KTN1: variants seen among roughly 807,000 people sequenced by gnomAD.
KTN1 encodes kinectin.
KTN1 carries 130 observed loss-of-function variants against 222.5 expected under a neutral mutation model. The observed-to-expected ratio is 0.58, with a 90% confidence interval of 0.51 to 0.68. The LOEUF (loss-of-function observed/expected upper bound fraction) is 0.68. KTN1 is among the 30% of genes least tolerant of loss of function. The pLI is 0.00. For missense variants in KTN1, 1,508 were observed against 1,500.4 expected (o/e 1.01, Z -0.08); for synonymous variants, 512 against 496.3 (o/e 1.03, Z -0.42).
intron 1 of KTN1, among the ~76,000 whole-genome samples, chr14:55,589,766 C>T (rs545011406): frequency 7.0e-6 from 1 of 143,794 alleles, no homozygotes; most frequent in African/African-American, 2.6e-5. Flanking sequence ...TCAAGTGATT[C>T]TCCTGCCTCA....
At chr14:55,642,498 T>C (rs779545896) in intron 18 of KTN1, among the ~76,000 whole-genome samples, 5 of 152,202 alleles carry the variant, frequency 3.3e-5, no homozygotes, top group Non-Finnish European at 4.4e-5. Flanking sequence ...ACGCAGCTCT[T>C]ACAATTACAA....
Position 55,650,395 on chromosome 14 carries a change from G to C in KTN1, c.2473G>C (p.Ala825Pro). ...TCTGGAGGCAGAACTTCTCAAAGTT[G>C]CTAACAAGGAGAAAACTGTTCAGGT... ...ELLEAELLKV[A>P]NKEKTVQDLK... The change falls in exon 23 of 44, where the codon GCT (alanine) becomes CCT (proline). Residue 825 changes from alanine (A) to proline (P), a missense_variant. Coordinates refer to ENST00000395314, the MANE Select transcript of KTN1 (RefSeq NM_001079521.2). 6.2e-7 allele frequency: 1 copy of C among 1,610,722 alleles called. No individual in the cohort carries two copies. Among genetic ancestry groups the C allele is most frequent in the Non-Finnish European group, 8.5e-7 (1 of 1,178,568 alleles).
intron 1 of KTN1, 43 bp downstream of exon 1, chr14:55,580,397 G>A (rs2031068876): frequency 6.8e-6 from 1 of 146,846 alleles, no homozygotes; most frequent in African/African-American, 2.4e-5. Flanking sequence ...CCGGCGGCGG[G>A]GAGCGCGGGG....
intron 9 of KTN1, among the ~76,000 whole-genome samples, chr14:55,635,798 G>T (rs532678383): frequency 1.6e-3 from 239 of 152,278 alleles, no homozygotes; most frequent in Non-Finnish European, 2.9e-3. Context: ...TGATAGAATT[G>T]TACTTTGATA....
chr14:55,581,635 A>G (rs1052311089), intron 1 of KTN1, among the ~76,000 whole-genome samples: 1 of 152,304 alleles, frequency 6.6e-6, no homozygotes. Flanking sequence ...TCTGAATTGT[A>G]TAGGAGTTGA....
chr14:55,586,973 C>T (rs2033142125), intron 1 of KTN1, among the ~76,000 whole-genome samples: 1 of 152,244 alleles, frequency 6.6e-6, no homozygotes, highest in African/African-American at 2.4e-5. Context: ...AAAATGCATA[C>T]CCTCCCTATT....
At chr14:55,616,408 A>G in intron 2 of KTN1, 109 bp from the exon 3 acceptor site, 1 of 972,806 alleles carries the variant, frequency 1.0e-6, no homozygotes, top group Non-Finnish European at 1.5e-6. Context: ...TATATGTCAG[A>G]CTTTAAATTT....
intron 28 of KTN1, among the ~76,000 whole-genome samples, chr14:55,655,486 C>T (rs1485519817): frequency 3.3e-5 from 5 of 152,036 alleles, no homozygotes; most frequent in African/African-American, 4.8e-5. Flanking sequence ...TTGGGGATAC[C>T]GAAATGGATA....
At chr14:55,654,425 G>A (rs1277483588) in intron 28 of KTN1, among the ~76,000 whole-genome samples, 8 of 151,990 alleles carry the variant, frequency 5.3e-5, no homozygotes, top group African/African-American at 1.2e-4. Context: ...TGTAACTGTC[G>A]AGGTGCTTAT....
In KTN1 at chr14:55,671,650, G is replaced by A. The variant is rs762663663; in HGVS notation, c.3433G>A (p.Glu1145Lys). 1 of 1,605,754 alleles carries A rather than the reference G, an allele frequency of 6.2e-7. No homozygotes were observed. The highest frequency in any genetic ancestry group is 8.5e-7 in the Non-Finnish European group (1 of 1,174,344). The change falls in exon 36 of 44, where the codon GAA (glutamate) becomes AAA (lysine). Residue 1145 changes from glutamate to lysine, a missense_variant. Physicochemically the swap from Glu to Lys is moderately conservative, Grantham distance 56 (BLOSUM62 1). Coordinates refer to ENST00000395314, the MANE Select transcript of KTN1 (RefSeq NM_001079521.2). ...TGAAAAATACAAATCCGTCCTTGCA[G>A]AAACAGTAGGAAATGATTTTTAATC... Reference protein sequence around the residue: ...ECEKYKSVLAETEGILQKLQR... With the variant: ...ECEKYKSVLAKTEGILQKLQR...
chr14:55,665,987 T>C (rs1001267605), intron 33 of KTN1, among the ~76,000 whole-genome samples: 2 of 151,984 alleles, frequency 1.3e-5, no homozygotes, highest in Admixed American at 6.6e-5. Flanking sequence ...CGGTTTTCTT[T>C]AAAGATTAGT....
chr14:55,632,420 A>C (rs2040633696), intron 7 of KTN1, among the ~76,000 whole-genome samples: 1 of 152,208 alleles, frequency 6.6e-6, no homozygotes, highest in Non-Finnish European at 1.5e-5. Flanking sequence ...TTCATACAAA[A>C]ACATGTTCTT....
chr14:55,680,710 G>A, intron 43 of KTN1: 1 of 1,366,756 alleles, frequency 7.3e-7, no homozygotes, highest in South Asian at 1.1e-5. Context: ...GGCCTACCTT[G>A]ACACATGCTC....
Position 55,585,326 on chromosome 14 carries a change from T to C in KTN1, c.-31+4972T>C, listed in dbSNP as rs531128711. ...AGAGTGTGGTGGAGACCCTCTTACA[T>C]ACTCCACATGATTAGGACCATTTGT... On this transcript the variant is annotated intron_variant, in intron 1 of 43. Coordinates refer to ENST00000395314, the MANE Select transcript of KTN1 (RefSeq NM_001079521.2). Among the ~76,000 whole-genome samples the C allele has an allele frequency of 1.3e-4, 20 of 152,248 alleles. No homozygotes were observed. In the East Asian group the frequency reaches 3.5e-3, roughly 26 times the overall value.
rs71448461 is a variant in KTN1, at chr14:55,631,341, G to GAGATAGATATATATAT, written c.1221+1245_1221+1246insGATAGATATATATATA. 5.7e-3 allele frequency among the ~76,000 whole-genome samples: 648 copies of GAGATAGATATATATAT among 114,660 alleles called. 6 individuals are homozygous for GAGATAGATATATATAT. The highest frequency in any genetic ancestry group is 0.012 in the South Asian group (43 of 3,496). 75.2% of individuals were successfully genotyped at this position (114,660 alleles called of 152,430 possible). ...CTAAAACTCACCTATTGATAAGGTT[G>GAGATAGATATATATAT]ATATATATATATATATATATATATA... is the stretch of plus-strand genomic sequence containing the variant. On this transcript the variant is annotated intron_variant, in intron 7 of 43. Coordinates refer to ENST00000395314, the MANE Select transcript of KTN1 (RefSeq NM_001079521.2).
intron 1 of KTN1, among the ~76,000 whole-genome samples, chr14:55,595,747 GTTTAC>G (rs2034912684): frequency 1.3e-5 from 2 of 152,154 alleles, no homozygotes; most frequent in African/African-American, 4.8e-5. Flanking sequence ...AGGATAGCTT[GTTTAC>G]TTTATTGACT....
rs527360731 is a variant in KTN1 at position 55,676,860 on chromosome 14, A to G, written c.3855+942A>G. Among the ~76,000 whole-genome samples the G allele has an allele frequency of 5.3e-5, 8 of 152,312 alleles. No individual in the cohort carries two copies. The South Asian group carries it at 1.5e-3, about 28-fold the overall frequency. ...GTCAGGTTATTTTAGTGTAGACAGA[A>G]TGTGAATTTGGGTCTGTTTTAGAGG... On this transcript the variant is annotated intron_variant, in intron 41 of 43. Transcript: ENST00000395314.
chr14:55,683,948 G>A, intron 43 of KTN1, 151 bp from the exon 44 acceptor site: 1 of 496,482 alleles, frequency 2.0e-6, no homozygotes, highest in Non-Finnish European at 3.5e-6. Flanking sequence ...TTCTCAGTTT[G>A]ATTACCATTA....
intron 34 of KTN1, chr14:55,667,943 C>T (rs1321641562): frequency 1.3e-5 from 2 of 148,906 alleles, no homozygotes; most frequent in Admixed American, 6.7e-5. Flanking sequence ...AACTGTTCAA[C>T]AGTAGAGAGA....
Sources: allele counts gnomAD v4.1 joint callset (sites outside exome capture counted in the v4.1 genomes callset), GRCh38; gene constraint gnomAD v4.1.1; transcripts MANE v1.5; gene names NCBI Gene and HGNC (gene_info 2026-07-23, HGNC 2026-07-21).